The following PKN2 variants were observed in gnomAD, a reference collection of about 807,000 sequenced individuals.
The protein encoded by PKN2 is protein kinase N2.
Under a neutral mutation model 119.1 loss-of-function variants are expected in PKN2, and 38 were observed. That is an observed-to-expected ratio of 0.32 (90% CI 0.25 to 0.42). The LOEUF is 0.42. Among genes scored for constraint, PKN2 ranks in the 10% least tolerant of loss-of-function variants. PKN2 has a pLI of 1.00. For missense variants in PKN2, 850 were observed against 1,165.1 expected, an observed-to-expected ratio of 0.73 and a Z score of 3.94; for synonymous variants, 390 against 384.9, an observed-to-expected ratio of 1.01 and a Z score of -0.15.
At chr1:88,739,230 T>C (rs183185949) in intron 1 of PKN2, among the ~76,000 whole-genome samples, 1 of 152,168 alleles carries the variant, frequency 6.6e-6, no homozygotes, top group African/African-American at 2.4e-5. Flanking sequence ...CCCAGCACTT[T>C]GGGACGTCAA....
chr1:88,759,250 C>G (rs1251352954), intron 2 of PKN2, among the ~76,000 whole-genome samples: 1 of 152,162 alleles, frequency 6.6e-6, no homozygotes, highest in Non-Finnish European at 1.5e-5. Context: ...GTAATCCCAG[C>G]TATTCAGGAG....
intron 2 of PKN2, among the ~76,000 whole-genome samples, chr1:88,756,174 G>T (rs1399560084): frequency 1.3e-5 from 2 of 152,076 alleles, no homozygotes; most frequent in Admixed American, 6.6e-5. Flanking sequence ...GGGATTACAG[G>T]TGTAAGCCAC....
chr1:88,804,311 A>T, intron 8 of PKN2, 80 bp from the exon 9 acceptor site: 1 of 1,109,810 alleles, frequency 9.0e-7, no homozygotes, highest in Non-Finnish European at 1.3e-6. Flanking sequence ...TGTATTTCAT[A>T]TTTTTTGTGA....
At position 88,833,440 on chromosome 1, in the gene PKN2, T is replaced by G; in HGVS notation, c.2947T>G (p.Trp983Gly). 1.2e-6 allele frequency: 2 copies of G among 1,612,888 alleles called. No individual in the cohort carries two copies. The highest frequency in any genetic ancestry group is 1.7e-6 in the Non-Finnish European group (2 of 1,179,086). Residue 983 changes from tryptophan to glycine, a missense_variant, in exon 22 of 22, where the codon TGG becomes GGG. Trp to Gly is a radical substitution (Grantham distance 184, BLOSUM62 -2). Around this residue, in one of 9 missense-constraint regions of PKN2, gnomAD observed 52 missense variants for 39.9 expected, o/e 1.30. Transcript: ENST00000370521. ...CAGAGATTTTGACTACATTGCTGAT[T>G]GGTGTTAAGTTGCTAGACACTGCGA... ...MFRDFDYIADWC is the reference protein window; with the variant it reads ...MFRDFDYIADGC
At chr1:88,729,941 G>GCCCC (rs1481778310) in intron 1 of PKN2, among the ~76,000 whole-genome samples, 1 of 152,078 alleles carries the variant, frequency 6.6e-6, no homozygotes, top group Non-Finnish European at 1.5e-5. Flanking sequence ...CAAGGCGGGC[G>GCCCC]GATCACGAGA....
chr1:88,744,102 A>G (rs1268980178), intron 2 of PKN2, among the ~76,000 whole-genome samples: 2 of 152,182 alleles, frequency 1.3e-5, no homozygotes, highest in South Asian at 2.1e-4. Context: ...AAAAGCAACA[A>G]CCACAACATA....
chr1:88,820,753 T>C (rs1204439471), intron 16 of PKN2, among the ~76,000 whole-genome samples: 1 of 152,128 alleles, frequency 6.6e-6, no homozygotes, highest in African/African-American at 2.4e-5. Context: ...TGGAGAAGCA[T>C]ATTACGTTTT....
intron 1 of PKN2, among the ~76,000 whole-genome samples, chr1:88,721,056 G>C (rs995897453): frequency 1.3e-5 from 2 of 152,034 alleles, no homozygotes; most frequent in African/African-American, 4.8e-5. Context: ...CTGTATTTTT[G>C]TAATTGCAAA....
intron 2 of PKN2, among the ~76,000 whole-genome samples, chr1:88,755,136 T>A (rs1045373610): frequency 6.6e-6 from 1 of 152,168 alleles, no homozygotes; most frequent in Non-Finnish European, 1.5e-5. Context: ...ACAGAGTTTT[T>A]AAAAAATTTT....
At chr1:88,718,206 C>A (rs1432446053) in intron 1 of PKN2, among the ~76,000 whole-genome samples, 7 of 152,196 alleles carry the variant, frequency 4.6e-5, no homozygotes, top group African/African-American at 1.7e-4. Flanking sequence ...CAGAGGGGCA[C>A]CCACCTCTAT....
At chr1:88,770,648 G>C (rs538687361) in intron 4 of PKN2, among the ~76,000 whole-genome samples, 179 bp downstream of exon 4, 2 of 150,346 alleles carry the variant, frequency 1.3e-5, no homozygotes, top group East Asian at 2.0e-4. Context: ...TGCAGTGGCG[G>C]GATCTCGGCT....
chr1:88,793,018 G>A (rs1257479702), intron 8 of PKN2, among the ~76,000 whole-genome samples: 1 of 152,168 alleles, frequency 6.6e-6, no homozygotes, highest in Non-Finnish European at 1.5e-5. Context: ...GAAATAATTA[G>A]ATTTACATAG....
chr1:88,727,266 T>A (rs1417209012), intron 1 of PKN2, among the ~76,000 whole-genome samples: 1 of 152,170 alleles, frequency 6.6e-6, no homozygotes, highest in African/African-American at 2.4e-5. Flanking sequence ...TGGTATATTC[T>A]TTCCTATCCT....
chr1:88,797,636 CAAAA>C (rs1162541843), intron 8 of PKN2, among the ~76,000 whole-genome samples: 1 of 82,842 alleles, frequency 1.2e-5, no homozygotes. Context: ...GACTCCGTCT[CAAAA>C]AAAAAAAAAA....
At chr1:88,699,088 G>A (rs1666660930) in intron 1 of PKN2, among the ~76,000 whole-genome samples, 1 of 151,438 alleles carries the variant, frequency 6.6e-6, no homozygotes, top group Non-Finnish European at 1.5e-5. Context: ...CTTCTTTCCT[G>A]TTTCTCTCTT....
chr1:88,728,630 A>G (rs965958243), intron 1 of PKN2, among the ~76,000 whole-genome samples: 1 of 152,084 alleles, frequency 6.6e-6, no homozygotes, highest in Non-Finnish European at 1.5e-5. Flanking sequence ...CCATGGGGGC[A>G]TGGGTTAACA....
chr1:88,757,962 A>G (rs575566490), intron 2 of PKN2, among the ~76,000 whole-genome samples: 1 of 148,424 alleles, frequency 6.7e-6, no homozygotes, highest in East Asian at 2.0e-4. Flanking sequence ...AATTGCTTGA[A>G]CCCAGGAGGC....
chr1:88,835,506 G>T lies in PKN2; in HGVS notation c.*2058G>T, dbSNP rs572880580. The T allele has an allele frequency of 6.6e-6, 1 of 151,492 alleles. No individual in the cohort carries two copies. Among genetic ancestry groups the T allele is most frequent in the Non-Finnish European group, 1.5e-5 (1 of 67,686 alleles). The allele number at this position is 151,492 out of a possible 1,614,324, so 9.4% of individuals were successfully genotyped here. On this transcript the variant is annotated 3_prime_UTR_variant, in exon 22 of 22. Transcript: ENST00000370521. ...AATCACTAAAAAAATTAGAAGGCAG[G>T]GTCTATTTACACAATTAAGCTGAAG... is the stretch of plus-strand genomic sequence containing the variant.
At chr1:88,791,762 T>C (rs988342192) in intron 8 of PKN2, among the ~76,000 whole-genome samples, 9 of 152,130 alleles carry the variant, frequency 5.9e-5, no homozygotes, top group Admixed American at 6.5e-5. Context: ...GATTCTGAGG[T>C]TTGAATAAGA....
Sources: gnomAD v4.1 joint callset for allele counts (sites outside exome capture counted in the v4.1 genomes callset) on GRCh38, gnomAD v4.1.1 for gene constraint, gnomAD v4.1.1 regional missense constraint, MANE v1.5 for transcripts, NCBI Gene and HGNC (gene_info 2026-07-23, HGNC 2026-07-21) for gene names.